ADAMTSL1: variants seen among roughly 807,000 people sequenced by gnomAD.
ADAMTSL1 encodes the protein ADAMTS like 1.
Under a neutral mutation model 201.8 loss-of-function variants are expected in ADAMTSL1, and 126 were observed. The observed-to-expected ratio is 0.62, with a 90% CI of 0.54 to 0.72. The LOEUF is 0.72. Ranked by LOEUF, ADAMTSL1 falls within the 30% of genes least tolerant of loss-of-function variation. ADAMTSL1 has a pLI of 0.00. For synonymous variants in ADAMTSL1, 1,121 were observed against 903.4 expected (o/e 1.24, Z -4.32); for missense variants, 2,679 against 2,277.8 (o/e 1.18, Z -3.59).
chr9:18,472,528 T>C (rs1821255684), upstream of ADAMTSL1, among the ~76,000 whole-genome samples: 1 of 152,216 alleles, frequency 6.6e-6, no homozygotes, highest in Non-Finnish European at 1.5e-5. Context: ...AATAGGATTT[T>C]TAAAGTTTCT....
At chr9:18,789,094 T>C (rs1301596554) in intron 19 of ADAMTSL1, among the ~76,000 whole-genome samples, 1 of 152,162 alleles carries the variant, frequency 6.6e-6, no homozygotes, top group Admixed American at 6.6e-5. Flanking sequence ...CAATTTATGT[T>C]TTTTCATTGA....
chr9:18,266,654 G>A (rs1053593804), intron 2 of ADAMTSL1, among the ~76,000 whole-genome samples: 11 of 152,090 alleles, frequency 7.2e-5, no homozygotes, highest in African/African-American at 2.4e-4. Flanking sequence ...GTCACCCTCC[G>A]GAAGGATGGC....
At position 17,975,578 on chromosome 9, in the gene ADAMTSL1, G is replaced by A. The variant is rs559806459; in HGVS notation, c.87+68656G>A. Among the ~76,000 whole-genome samples, 15 of 152,050 alleles carry A rather than the reference G, an allele frequency of 9.9e-5. No homozygotes were observed. The South Asian group carries it at 2.3e-3, about 23-fold the overall frequency. ...CCATTAGGTTTCATCATGTGGATTTGGGGGGTCACAAACATTGAGACCATA... is the reference window on the plus strand; with the variant it reads ...CCATTAGGTTTCATCATGTGGATTTAGGGGGTCACAAACATTGAGACCATA... On this transcript the variant is annotated intron_variant, in intron 1 of 29. Transcript: ENST00000680146.
chr9:18,634,165 G>T (rs1362729669), intron 5 of ADAMTSL1, among the ~76,000 whole-genome samples: 1 of 152,066 alleles, frequency 6.6e-6, no homozygotes, highest in Non-Finnish European at 1.5e-5. Context: ...CTAAAGATAG[G>T]ATGATAATAT....
At chr9:18,038,939 G>A (rs997032720) in intron 1 of ADAMTSL1, among the ~76,000 whole-genome samples, 6 of 152,136 alleles carry the variant, frequency 3.9e-5, no homozygotes, top group Non-Finnish European at 7.4e-5. Context: ...GAACACATAA[G>A]TTAGTTAAAG....
intron 2 of ADAMTSL1, among the ~76,000 whole-genome samples, chr9:18,519,070 C>A (rs1365999201): frequency 2.0e-5 from 3 of 152,166 alleles, no homozygotes; most frequent in African/African-American, 4.8e-5. Context: ...TGTGAAAATC[C>A]TAAATGTTAT....
At chr9:18,186,843 A>C (rs890156757) in intron 2 of ADAMTSL1, among the ~76,000 whole-genome samples, 2 of 151,772 alleles carry the variant, frequency 1.3e-5, no homozygotes. Flanking sequence ...ACACACACAC[A>C]CACACACACA....
intron 25 of ADAMTSL1, among the ~76,000 whole-genome samples, chr9:18,890,193 C>G (rs1232019742): frequency 6.6e-6 from 1 of 152,244 alleles, no homozygotes; most frequent in African/African-American, 2.4e-5. Flanking sequence ...AATCAGTACT[C>G]CAGTTCAGTT....
intron 2 of ADAMTSL1, among the ~76,000 whole-genome samples, chr9:18,325,741 T>G (rs1299769148): frequency 6.0e-5 from 9 of 149,540 alleles, no homozygotes; most frequent in Non-Finnish European, 1.3e-4. Flanking sequence ...TAAAAGGACC[T>G]TTGTTTTTTT....
Position 18,681,795 on chromosome 9 carries a change from T to C in ADAMTSL1, c.1342-17T>C, listed in dbSNP as rs1485553966. On this transcript the variant is annotated splice_polypyrimidine_tract_variant and intron_variant, in intron 11 of 28. Coordinates refer to ENST00000380548, the MANE Select transcript of ADAMTSL1 (RefSeq NM_001040272.6). ...GCTTTGCCTACGAGTCTCCTCTCTCTTGCAATCTCTTTCCAGTGCACAGTG... is the reference window on the plus strand; with the variant it reads ...GCTTTGCCTACGAGTCTCCTCTCTCCTGCAATCTCTTTCCAGTGCACAGTG... 1 of 1,593,606 alleles carries C rather than the reference T, an allele frequency of 6.3e-7. No individual in the cohort carries two copies. The highest frequency in any genetic ancestry group is 1.7e-5 in the Admixed American group (1 of 58,106).
intron 1 of ADAMTSL1, among the ~76,000 whole-genome samples, chr9:18,479,025 A>G (rs1821597334): frequency 6.6e-6 from 1 of 152,190 alleles, no homozygotes. Flanking sequence ...TGTAAGTCCT[A>G]AAGGATCCTA....
intron 1 of ADAMTSL1, among the ~76,000 whole-genome samples, chr9:18,029,960 T>C (rs1481475933): frequency 6.6e-6 from 1 of 151,604 alleles, no homozygotes. Context: ...GACTGTAAAC[T>C]AGTTCAACCA....
At chr9:18,170,570 G>C (rs560548507) in intron 2 of ADAMTSL1, among the ~76,000 whole-genome samples, 2 of 152,036 alleles carry the variant, frequency 1.3e-5, no homozygotes, top group Non-Finnish European at 2.9e-5. Flanking sequence ...ATTTACTTGT[G>C]TACACGTGAA....
intron 2 of ADAMTSL1, among the ~76,000 whole-genome samples, chr9:18,393,393 C>G (rs1025363104): frequency 6.6e-6 from 1 of 152,132 alleles, no homozygotes; most frequent in East Asian, 1.9e-4. Flanking sequence ...AATGACTCAC[C>G]ATCCCAGTTG....
intron 2 of ADAMTSL1, among the ~76,000 whole-genome samples, chr9:18,414,406 C>A (rs1300028294): frequency 2.6e-5 from 4 of 151,918 alleles, no homozygotes; most frequent in Non-Finnish European, 4.4e-5. Context: ...TTCTATTAAG[C>A]ATTTTTAAAA....
rs112917002 is a variant in ADAMTSL1 at position 18,613,964 on chromosome 9, G to C, written c.475-8279G>C. On this transcript the variant is annotated intron_variant, in intron 4 of 28. Transcript: ENST00000380548. ...GATCAAAGTAGATCTTATTGAGAAG[G>C]TATTAATTTTCTCAAACGAAGACTT... Among the ~76,000 whole-genome samples, 366 of 152,280 alleles carry C rather than the reference G, an allele frequency of 2.4e-3. 4 individuals carry two copies. The highest frequency in any genetic ancestry group is 8.5e-3 in the African/African-American group (355 of 41,564).
chr9:18,047,110 A>C (rs1186810132), intron 1 of ADAMTSL1, among the ~76,000 whole-genome samples: 1 of 152,186 alleles, frequency 6.6e-6, no homozygotes, highest in Non-Finnish European at 1.5e-5. Flanking sequence ...CTAATTCAGG[A>C]GATGTTACTA....
intron 1 of ADAMTSL1, among the ~76,000 whole-genome samples, chr9:17,984,709 A>C (rs145041472): frequency 7.9e-5 from 12 of 152,240 alleles, no homozygotes; most frequent in African/African-American, 2.9e-4. Context: ...GGCTTGCAAG[A>C]TTCTGAGAAA....
At chr9:18,557,133 T>C (rs1054206011) in intron 3 of ADAMTSL1, among the ~76,000 whole-genome samples, 1 of 152,016 alleles carries the variant, frequency 6.6e-6, no homozygotes, top group Non-Finnish European at 1.5e-5. Flanking sequence ...ACAGATAGTC[T>C]TCACTGGTAT....
Sources: allele counts gnomAD v4.1 joint callset (sites outside exome capture counted in the v4.1 genomes callset), GRCh38; gene constraint gnomAD v4.1.1; transcripts MANE v1.5; gene names NCBI Gene and HGNC (gene_info 2026-07-23, HGNC 2026-07-21).